ERC2: variants seen among roughly 807,000 people sequenced by gnomAD.
ERC2 encodes ERC protein 2.
A neutral mutation model predicts 114.8 loss-of-function variants in ERC2; 42 were observed. The ratio of observed to expected loss-of-function variants is 0.37; its 90% CI spans 0.29 to 0.47. ERC2 has a LOEUF of 0.47. ERC2 is among the 20% of genes least tolerant of loss of function. The probability of loss-of-function intolerance (pLI) is 0.99; values close to 1 mark genes in which losing one functional copy is unlikely to be tolerated. For synonymous variants in ERC2, 454 were observed against 425.5 expected (o/e 1.07, Z -0.82); for missense variants, 939 against 1,150.7 (o/e 0.82, Z 2.66).
At chr3:56,260,638 T>C (rs1372960613) in intron 3 of ERC2, among the ~76,000 whole-genome samples, 1 of 152,194 alleles carries the variant, frequency 6.6e-6, no homozygotes, top group Non-Finnish European at 1.5e-5. Context: ...CTGGCCATAA[T>C]AGCTCCAGAG....
intron 6 of ERC2, among the ~76,000 whole-genome samples, chr3:56,115,754 G>T (rs2079194074): frequency 6.6e-6 from 1 of 151,950 alleles, no homozygotes; most frequent in South Asian, 2.1e-4. Context: ...GGGAGAGACT[G>T]CCCCTCCCAG....
At chr3:55,857,008 A>C (rs1280390173) in intron 14 of ERC2, among the ~76,000 whole-genome samples, 1 of 151,626 alleles carries the variant, frequency 6.6e-6, no homozygotes, top group Non-Finnish European at 1.5e-5. Flanking sequence ...CCAGAGACTA[A>C]GGAAAAGGGG....
At chr3:55,896,391 C>T (rs766164443) in intron 13 of ERC2, among the ~76,000 whole-genome samples, 32 of 152,150 alleles carry the variant, frequency 2.1e-4, no homozygotes, top group Non-Finnish European at 3.8e-4. Flanking sequence ...TGGAAGATGC[C>T]CTGTGGTCCC....
At chr3:56,454,647 C>T (rs911673661) in intron 1 of ERC2, among the ~76,000 whole-genome samples, 7 of 152,014 alleles carry the variant, frequency 4.6e-5, no homozygotes, top group African/African-American at 1.7e-4. Flanking sequence ...GCCAGGAGTT[C>T]AAGACCAGCA....
At chr3:55,666,402 C>T (rs913556264) in intron 17 of ERC2, among the ~76,000 whole-genome samples, 2 of 152,186 alleles carry the variant, frequency 1.3e-5, no homozygotes, top group Non-Finnish European at 2.9e-5. Context: ...ACTTCCCTTC[C>T]CTCCCTCTGT....
At position 55,509,030 on chromosome 3, in the gene ERC2, A is replaced by C. The variant is rs1437207385; in HGVS notation, c.*2286T>G. The C allele has an allele frequency of 6.6e-6, 1 of 152,650 alleles. No individual in the cohort carries two copies. The highest frequency in any genetic ancestry group is 2.4e-5 in the African/African-American group (1 of 41,452). The allele number at this position is 152,650 out of a possible 1,614,324, so 9.5% of individuals were successfully genotyped here. ...AAAAGGGATATTTTTGGTAACCCCC[A>C]AACATCAGAGAATATTACACGAAAT... On this transcript the variant is annotated 3_prime_UTR_variant, in exon 18 of 18. Transcript: ENST00000288221.
At chr3:56,246,507 G>A (rs1262214525) in intron 3 of ERC2, among the ~76,000 whole-genome samples, 1 of 151,974 alleles carries the variant, frequency 6.6e-6, no homozygotes, top group Non-Finnish European at 1.5e-5. Context: ...CACATATTGA[G>A]GTTTACAGTT....
At chr3:55,565,297 T>C (rs2056295521) in intron 17 of ERC2, among the ~76,000 whole-genome samples, 2 of 152,204 alleles carry the variant, frequency 1.3e-5, no homozygotes, top group Admixed American at 6.5e-5. Flanking sequence ...TAGAAACAAA[T>C]GGATATTGAA....
chr3:56,138,235 A>AT (rs2080637640), intron 6 of ERC2, among the ~76,000 whole-genome samples: 3 of 151,602 alleles, frequency 2.0e-5, no homozygotes, highest in African/African-American at 7.3e-5. Flanking sequence ...AATTTTCTGT[A>AT]TTTTTTAGTA....
At chr3:55,983,931 C>T (rs2070367106) in intron 12 of ERC2, among the ~76,000 whole-genome samples, 1 of 152,134 alleles carries the variant, frequency 6.6e-6, no homozygotes, top group Non-Finnish European at 1.5e-5. Context: ...GGGAATAAAG[C>T]ACAGTTAATT....
At chr3:55,683,625 AG>A (rs2062169635) in intron 17 of ERC2, among the ~76,000 whole-genome samples, 168 bp downstream of exon 17, 2 of 151,958 alleles carry the variant, frequency 1.3e-5, no homozygotes, top group South Asian at 2.1e-4. Flanking sequence ...GGTAGGATGG[AG>A]GGGGCTCTTG....
intron 2 of ERC2, among the ~76,000 whole-genome samples, chr3:56,311,180 A>T (rs1232083950): frequency 6.7e-6 from 1 of 148,176 alleles, no homozygotes; most frequent in Non-Finnish European, 1.5e-5. Context: ...AATTTAACAC[A>T]TTCATATAAT....
chr3:56,393,859 C>T (rs2060211659), intron 2 of ERC2, among the ~76,000 whole-genome samples: 1 of 151,804 alleles, frequency 6.6e-6, no homozygotes, highest in African/African-American at 2.4e-5. Context: ...CTTCATAGCA[C>T]AAAGCTAAGG....
chr3:56,273,732 C>A (rs2053813917), intron 3 of ERC2, among the ~76,000 whole-genome samples: 1 of 152,160 alleles, frequency 6.6e-6, no homozygotes, highest in African/African-American at 2.4e-5. Context: ...CCATATGACT[C>A]CTTTGTGCAA....
intron 2 of ERC2, among the ~76,000 whole-genome samples, chr3:56,335,535 C>G (rs2057810582): frequency 6.6e-6 from 1 of 152,120 alleles, no homozygotes; most frequent in African/African-American, 2.4e-5. Flanking sequence ...AACATTTTGC[C>G]TAAGCATTAT....
intron 2 of ERC2, among the ~76,000 whole-genome samples, chr3:56,411,949 A>G (rs1326532120): frequency 6.6e-6 from 1 of 152,234 alleles, no homozygotes; most frequent in Admixed American, 6.5e-5. Flanking sequence ...ACTGGCCCCA[A>G]AAAGCATATG....
chr3:55,880,680 A>G (rs529214441), intron 14 of ERC2, among the ~76,000 whole-genome samples: 1 of 152,280 alleles, frequency 6.6e-6, no homozygotes, highest in East Asian at 1.9e-4. Context: ...GAAACAGATG[A>G]CAAACAGGAC....
chr3:56,372,287 C>T (rs2059386940), intron 2 of ERC2, among the ~76,000 whole-genome samples: 1 of 152,154 alleles, frequency 6.6e-6, no homozygotes, highest in Admixed American at 6.5e-5. Flanking sequence ...AATACATCAC[C>T]TAACATTAAA....
At chr3:55,529,516 T>C (rs12490665) in intron 17 of ERC2, among the ~76,000 whole-genome samples, 11,450 of 152,270 alleles carry the variant, frequency 0.075, 522 homozygotes, top group Middle Eastern at 0.14. Context: ...TGCAAATATA[T>C]GCAAGATAAA....
Sources: allele counts gnomAD v4.1 joint callset (sites outside exome capture counted in the v4.1 genomes callset), GRCh38; gene constraint gnomAD v4.1.1; transcripts MANE v1.5; gene names NCBI Gene and HGNC (gene_info 2026-07-23, HGNC 2026-07-21).